The following LIMCH1 variants were observed in gnomAD, a reference collection of about 807,000 sequenced individuals.
LIMCH1 encodes LIM and calponin homology domains 1, also known as LIM and calponin homology domains-containing protein 1.
LIMCH1 carries 113 observed loss-of-function variants against 176.5 expected under a neutral mutation model. The observed-to-expected ratio is 0.64, with a 90% CI of 0.55 to 0.75. The LOEUF is 0.75. LIMCH1 is among the 30% of genes least tolerant of loss of function. The probability of loss-of-function intolerance (pLI) is 0.00; values close to 1 mark genes in which losing one functional copy is unlikely to be tolerated. For synonymous variants in LIMCH1, 619 were observed against 645.9 expected (o/e 0.96, Z 0.63); for missense variants, 1,674 against 1,814.9 (o/e 0.92, Z 1.41).
intron 1 of LIMCH1, among the ~76,000 whole-genome samples, chr4:41,596,993 T>C (rs961023298): frequency 9.2e-5 from 14 of 152,166 alleles, no homozygotes; most frequent in African/African-American, 3.4e-4. Context: ...TCTTCCTTTT[T>C]AGTACTTCCT....
chr4:41,547,668 A>G (rs2079677797), intron 1 of LIMCH1, among the ~76,000 whole-genome samples: 1 of 146,632 alleles, frequency 6.8e-6, no homozygotes, highest in African/African-American at 2.5e-5. Context: ...ATAAATATAT[A>G]CATATATAAT....
chr4:41,415,368 T>TA (rs762521986), intron 1 of LIMCH1, among the ~76,000 whole-genome samples: 20 of 152,168 alleles, frequency 1.3e-4, no homozygotes, highest in Non-Finnish European at 2.2e-4. Context: ...GATAAATAGA[T>TA]AAAATAAAAT....
intron 6 of LIMCH1, chr4:41,619,695 C>T: frequency 1.9e-6 from 1 of 530,020 alleles, no homozygotes; most frequent in Non-Finnish European, 3.4e-6. Flanking sequence ...TTTCTGAAAC[C>T]AATTCTGTTG....
At chr4:41,417,467 A>G (rs2060045038) in intron 1 of LIMCH1, among the ~76,000 whole-genome samples, 1 of 152,196 alleles carries the variant, frequency 6.6e-6, no homozygotes, top group African/African-American at 2.4e-5. Context: ...AACAACCCTG[A>G]TAGGCGATCC....
intron 2 of LIMCH1, among the ~76,000 whole-genome samples, chr4:41,502,780 G>A (rs1440244973): frequency 1.3e-5 from 2 of 151,782 alleles, no homozygotes; most frequent in African/African-American, 4.8e-5. Flanking sequence ...TTTGGTGGTC[G>A]GGTTGGGGGT....
intron 1 of LIMCH1, among the ~76,000 whole-genome samples, chr4:41,412,034 A>C (rs2059541153): frequency 6.6e-6 from 1 of 150,874 alleles, no homozygotes; most frequent in Non-Finnish European, 1.5e-5. Context: ...ATCACAGAGA[A>C]TGTGCATTTT....
intron 14 of LIMCH1, among the ~76,000 whole-genome samples, chr4:41,642,737 C>CTTTTTT (rs368906535): frequency 2.9e-5 from 4 of 136,402 alleles, no homozygotes; most frequent in African/African-American, 2.7e-5. Flanking sequence ...TTTCTTTTTT[C>CTTTTTT]TTTTTTTTTT....
Position 41,632,845 on chromosome 4 carries a change from G to A in LIMCH1, c.1698G>A (p.Glu566=), listed in dbSNP as rs2093396939. The change falls in exon 11 of 32, where the codon GAG becomes GAA. Residue 566 remains glutamate, a synonymous_variant. Transcript: ENST00000503057. ...SQEEWVCSLG[E]CPRGTEEVTS... is the part of the protein sequence containing the mutation. ...AAGAGTGGGTCTGCAGTTTGGGCGA[G>A]TGCCCGAGGGGGACAGAGGAAGGTG... The A allele has an allele frequency of 6.5e-7, 1 of 1,536,238 alleles. No individual in the cohort carries two copies. The highest frequency in any genetic ancestry group is 8.7e-7 in the Non-Finnish European group (1 of 1,146,908).
intron 6 of LIMCH1, 29 bp downstream of exon 6, chr4:41,619,469 C>T (rs1339821790): frequency 6.2e-7 from 1 of 1,601,470 alleles, no homozygotes; most frequent in South Asian, 1.1e-5. Flanking sequence ...TGCCCTCTTC[C>T]TGGCTTGGGC....
intron 1 of LIMCH1, among the ~76,000 whole-genome samples, chr4:41,492,780 A>G (rs1441101469): frequency 6.6e-6 from 1 of 152,084 alleles, no homozygotes; most frequent in African/African-American, 2.4e-5. Context: ...TGGCTTGCAT[A>G]TTTTGAAGCT....
chr4:41,547,295 T>C (rs897382958), intron 1 of LIMCH1, among the ~76,000 whole-genome samples: 4 of 152,172 alleles, frequency 2.6e-5, no homozygotes, highest in African/African-American at 9.7e-5. Flanking sequence ...GACTAACATG[T>C]CACCTTTCTT....
chr4:41,668,501 T>C (rs537130255), intron 21 of LIMCH1, among the ~76,000 whole-genome samples: 2 of 152,242 alleles, frequency 1.3e-5, no homozygotes, highest in Non-Finnish European at 2.9e-5. Context: ...TTTTGTTTTC[T>C]TATAAATTTA....
At chr4:41,454,353 G>A (rs985315371) in intron 1 of LIMCH1, among the ~76,000 whole-genome samples, 1 of 151,988 alleles carries the variant, frequency 6.6e-6, no homozygotes, top group African/African-American at 2.4e-5. Flanking sequence ...TAAAGAAATT[G>A]TTTAAAGACT....
intron 13 of LIMCH1, among the ~76,000 whole-genome samples, chr4:41,635,228 C>A (rs13144919): frequency 0.15 from 23,074 of 151,040 alleles, 1,857 homozygotes; most frequent in South Asian, 0.22. Context: ...CTGAGGAATT[C>A]TCTGTCACTT....
Position 41,685,798 on chromosome 4 carries a change from C to G in LIMCH1, c.4056C>G (p.Asn1352Lys), listed in dbSNP as rs771567742. Reference sequence around the variant, plus strand: ...CCCTCCCGCTGGATAAAAGCATTAACCATCAGATCGAGTCTCCCAGTGAAA... The same window carrying G: ...CCCTCCCGCTGGATAAAAGCATTAAGCATCAGATCGAGTCTCCCAGTGAAA... ...PKTLPLDKSI[N>K]HQIESPSERR... The change falls in exon 28 of 32, where the codon AAC becomes AAG. Residue 1352 changes from asparagine to lysine, a missense_variant. Asn to Lys is a moderately conservative substitution (Grantham distance 94). Coordinates refer to ENST00000503057, the MANE Select transcript of LIMCH1 (RefSeq NM_001330672.2). The G allele has an allele frequency of 1.2e-6, 2 of 1,613,418 alleles. No individual in the cohort carries two copies. The highest frequency in any genetic ancestry group is 2.2e-5 in the South Asian group (2 of 91,002).
intron 21 of LIMCH1, among the ~76,000 whole-genome samples, chr4:41,669,918 T>A (rs1169512089): frequency 6.6e-6 from 1 of 152,122 alleles, no homozygotes; most frequent in African/African-American, 2.4e-5. Flanking sequence ...TCTCCCCCAT[T>A]TCTATAAAGT....
At chr4:41,565,388 C>G (rs558698362) in intron 1 of LIMCH1, among the ~76,000 whole-genome samples, 3 of 145,634 alleles carry the variant, frequency 2.1e-5, no homozygotes, top group African/African-American at 7.9e-5. Flanking sequence ...CACACATACA[C>G]ACACACACAG....
intron 1 of LIMCH1, among the ~76,000 whole-genome samples, chr4:41,584,550 C>G (rs1012818896): frequency 1.3e-5 from 2 of 152,164 alleles, no homozygotes; most frequent in Non-Finnish European, 2.9e-5. Flanking sequence ...TTTCTCAGAA[C>G]TGTTAGTCTA....
At chr4:41,598,244 C>A (rs533459746) in intron 1 of LIMCH1, among the ~76,000 whole-genome samples, 80 of 152,274 alleles carry the variant, frequency 5.3e-4, no homozygotes, top group South Asian at 2.1e-3. Context: ...TGAAGACAGA[C>A]CCCTCCTTAA....
Sources: allele counts gnomAD v4.1 joint callset (sites outside exome capture counted in the v4.1 genomes callset), GRCh38; gene constraint gnomAD v4.1.1; transcripts MANE v1.5; gene names NCBI Gene and HGNC (gene_info 2026-07-23, HGNC 2026-07-21).